The following PEBP4 variants were observed in gnomAD, a reference collection of about 807,000 sequenced individuals.
PEBP4 encodes the protein phosphatidylethanolamine binding protein 4, also known as phosphatidylethanolamine-binding protein 4.
PEBP4 carries 22 observed loss-of-function variants against 23.9 expected under a neutral mutation model. That is an observed-to-expected ratio of 0.92 (90% CI 0.66 to 1.31). The LOEUF is 1.31. PEBP4 is among the 40% of genes most tolerant of loss of function. The pLI is 0.00. For synonymous variants in PEBP4, 112 were observed against 99.3 expected (o/e 1.13, Z -0.76); for missense variants, 324 against 281.7 (o/e 1.15, Z -1.07).
At chr8:22,926,993 G>A (rs1809350871) in intron 2 of PEBP4, among the ~76,000 whole-genome samples, 1 of 152,176 alleles carries the variant, frequency 6.6e-6, no homozygotes, top group Non-Finnish European at 1.5e-5. Flanking sequence ...GGCAGAGTTG[G>A]TGAGGAGAGA....
At chr8:22,718,958 T>A (rs1276037585) in intron 6 of PEBP4, among the ~76,000 whole-genome samples, 1 of 152,162 alleles carries the variant, frequency 6.6e-6, no homozygotes, top group Non-Finnish European at 1.5e-5. Context: ...TGCGTGGGGC[T>A]CTGCTGCCCT....
intron 4 of PEBP4, among the ~76,000 whole-genome samples, chr8:22,808,667 AG>A (rs1362282127): frequency 6.6e-6 from 1 of 152,156 alleles, no homozygotes; most frequent in African/African-American, 2.4e-5. Flanking sequence ...TGCCTCACGG[AG>A]ATGAGGAGGG....
At chr8:22,799,854 G>C (rs1167314234) in intron 4 of PEBP4, among the ~76,000 whole-genome samples, 1 of 152,128 alleles carries the variant, frequency 6.6e-6, no homozygotes, top group Admixed American at 6.5e-5. Flanking sequence ...CCATTACTGG[G>C]TATATACTGA....
chr8:22,838,468 G>T (rs920099924), intron 3 of PEBP4, among the ~76,000 whole-genome samples: 1 of 152,220 alleles, frequency 6.6e-6, no homozygotes, highest in Non-Finnish European at 1.5e-5. Context: ...TGGCTTGGGA[G>T]ACTCGAAGCC....
At chr8:22,889,806 T>C (rs971928705) in intron 3 of PEBP4, among the ~76,000 whole-genome samples, 31 of 152,362 alleles carry the variant, frequency 2.0e-4, no homozygotes, top group African/African-American at 7.0e-4. Flanking sequence ...AGCAGAATCA[T>C]GTAATACGGT....
chr8:22,895,396 A>T (rs1808569545), intron 3 of PEBP4: 1 of 152,210 alleles, frequency 6.6e-6, no homozygotes, highest in African/African-American at 2.4e-5. Context: ...CCAGGAGAAC[A>T]TACTTTCTTC....
chr8:22,875,949 G>A lies in PEBP4; in HGVS notation c.258+44235C>T, dbSNP rs117234928. On this transcript the variant is annotated intron_variant, in intron 3 of 6. Transcript: ENST00000256404. Reference sequence around the variant, plus strand: ...TTCTGAGGCAGACTCTCACTCTGTCGCCCAGGCTGAAGTGCAGTAGTGTGA... The same window carrying A: ...TTCTGAGGCAGACTCTCACTCTGTCACCCAGGCTGAAGTGCAGTAGTGTGA... 2.0e-3 allele frequency among the ~76,000 whole-genome samples: 306 copies of A among 151,974 alleles called. 7 individuals are homozygous for A. In the East Asian group the frequency reaches 0.049, roughly 24 times the overall value.
intron 3 of PEBP4, among the ~76,000 whole-genome samples, chr8:22,842,234 G>A (rs928072825): frequency 3.3e-5 from 5 of 152,306 alleles, no homozygotes; most frequent in Admixed American, 1.3e-4. Context: ...TCTTTAAAAC[G>A]TTTGGAGAAA....
intron 3 of PEBP4, among the ~76,000 whole-genome samples, chr8:22,835,264 T>C (rs1807178020): frequency 6.6e-6 from 1 of 152,204 alleles, no homozygotes; most frequent in South Asian, 2.1e-4. Context: ...TGGAAGTATT[T>C]TTAAGACTGT....
At chr8:22,715,320 C>T (rs961953098) in intron 6 of PEBP4, among the ~76,000 whole-genome samples, 59 of 152,362 alleles carry the variant, frequency 3.9e-4, no homozygotes, top group African/African-American at 1.3e-3. Context: ...GTGCCTGAGC[C>T]TCTGCACCCT....
At chr8:22,897,202 T>C (rs770832216) in intron 3 of PEBP4, among the ~76,000 whole-genome samples, 3 of 152,184 alleles carry the variant, frequency 2.0e-5, no homozygotes, top group Non-Finnish European at 2.9e-5. Context: ...CTCCTCCTCT[T>C]CCATCTTCTT....
At chr8:22,727,249 G>A in intron 4 of PEBP4, 29 bp from the exon 5 acceptor site, 2 of 1,611,352 alleles carry the variant, frequency 1.2e-6, no homozygotes, top group Non-Finnish European at 8.5e-7. Context: ...AGGGCTGTAG[G>A]TTATGTCTTG....
In PEBP4 at chr8:22,937,798, A is replaced by ATGTG. The variant is rs55794481; in HGVS notation, c.145-10082_145-10079dup. On this transcript the variant is annotated intron_variant, in intron 1 of 1. Coordinates refer to the PEBP4 transcript ENST00000522278. ...CCCTCATATGTGTGTATGTGTATGT[A>ATGTG]TGTGTGTGTGTGTGTGTGTGTGTGT... Among the ~76,000 whole-genome samples, 67 of 150,528 alleles carry ATGTG rather than the reference A, an allele frequency of 4.5e-4. No homozygotes were observed. The East Asian group carries it at 6.5e-3, about 15-fold the overall frequency.
At chr8:22,872,486 C>G (rs1419940550) in intron 3 of PEBP4, among the ~76,000 whole-genome samples, 1 of 152,166 alleles carries the variant, frequency 6.6e-6, no homozygotes, top group Non-Finnish European at 1.5e-5. Context: ...TTGCCAGGGC[C>G]ATGTGTGCCT....
chr8:22,773,745 AC>A (rs1035244667), intron 4 of PEBP4, among the ~76,000 whole-genome samples: 11 of 151,978 alleles, frequency 7.2e-5, no homozygotes, highest in Non-Finnish European at 1.5e-4. Context: ...CTCTAGCCAC[AC>A]CTCTGTTCCC....
chr8:22,790,248 A>C (rs1168144832), intron 4 of PEBP4, among the ~76,000 whole-genome samples: 1 of 152,196 alleles, frequency 6.6e-6, no homozygotes, highest in Admixed American at 6.5e-5. Flanking sequence ...TCACATGTGC[A>C]GGCAGAGAGC....
intron 4 of PEBP4, among the ~76,000 whole-genome samples, chr8:22,731,902 C>T (rs902776455): frequency 6.6e-6 from 1 of 151,622 alleles, no homozygotes; most frequent in African/African-American, 2.4e-5. Context: ...GTCTTGATCT[C>T]CTGATCTCGT....
intron 3 of PEBP4, among the ~76,000 whole-genome samples, chr8:22,866,616 A>G (rs183369569): frequency 3.8e-4 from 58 of 152,244 alleles, no homozygotes; most frequent in African/African-American, 1.3e-3. Flanking sequence ...TTTTGTGCTT[A>G]ACTATATAGC....
At chr8:22,877,085 A>G (rs1233706245) in intron 3 of PEBP4, among the ~76,000 whole-genome samples, 3 of 152,198 alleles carry the variant, frequency 2.0e-5, no homozygotes, top group Non-Finnish European at 2.9e-5. Flanking sequence ...CCACCCTTAT[A>G]AACATATCAA....
Sources: gnomAD v4.1 joint callset for allele counts (sites outside exome capture counted in the v4.1 genomes callset) on GRCh38, gnomAD v4.1.1 for gene constraint, MANE v1.5 for transcripts, NCBI Gene and HGNC (gene_info 2026-07-23, HGNC 2026-07-21) for gene names.